The following KCNB2 variants were observed in gnomAD, a reference collection of about 807,000 sequenced individuals.
KCNB2 encodes potassium voltage-gated channel subfamily B member 2.
Under a neutral mutation model 61.5 loss-of-function variants are expected in KCNB2, and 15 were observed. The observed-to-expected ratio is 0.24, with a 90% CI of 0.16 to 0.38. KCNB2 has a LOEUF of 0.38. Ranked by LOEUF, KCNB2 falls within the 10% of genes least tolerant of loss-of-function variation. The pLI is 1.00. For missense variants in KCNB2, 828 were observed against 1,125.2 expected, an observed-to-expected ratio of 0.74 and a Z score of 3.78; for synonymous variants, 457 against 446.0, an observed-to-expected ratio of 1.02 and a Z score of -0.31.
At chr8:72,713,347 C>T (rs2439339) in intron 2 of KCNB2, among the ~76,000 whole-genome samples, 27,991 of 152,160 alleles carry the variant, frequency 0.18, 3,455 homozygotes, top group African/African-American at 0.35. Flanking sequence ...GATCTGAGAA[C>T]GGGCAGACTG....
In KCNB2 at chr8:72,794,980, G is replaced by C. The variant is rs73686521; in HGVS notation, c.580-140955G>C. Among the ~76,000 whole-genome samples, 733 of 152,326 alleles carry C rather than the reference G, an allele frequency of 4.8e-3. 6 individuals carry two copies. Among genetic ancestry groups the C allele is most frequent in the African/African-American group, 0.017 (698 of 41,572 alleles). On this transcript the variant is annotated intron_variant, in intron 2 of 2. Transcript: ENST00000523207. ...TCCATTTTAGGGTTTAGGAAATATGGTCACCATAGGAAATACTGGTAATGA... is the reference window on the plus strand; with the variant it reads ...TCCATTTTAGGGTTTAGGAAATATGCTCACCATAGGAAATACTGGTAATGA...
chr8:72,717,726 G>A (rs369916097), intron 2 of KCNB2, among the ~76,000 whole-genome samples: 1,928 of 152,122 alleles, frequency 0.013, 30 homozygotes, highest in Middle Eastern at 0.044. Context: ...GAAAACCTAG[G>A]CAATACCATT....
chr8:72,900,217 A>G (rs1346404255), intron 2 of KCNB2, among the ~76,000 whole-genome samples: 1 of 152,180 alleles, frequency 6.6e-6, no homozygotes, highest in Non-Finnish European at 1.5e-5. Context: ...TCTGACTTTG[A>G]CAAAGCTGAC....
chr8:72,793,884 T>C (rs962393743), intron 2 of KCNB2, among the ~76,000 whole-genome samples: 1 of 152,214 alleles, frequency 6.6e-6, no homozygotes, highest in African/African-American at 2.4e-5. Context: ...CATTTATTCA[T>C]CAGAGAGTTT....
chr8:72,717,734 A>G (rs1271528635), intron 2 of KCNB2, among the ~76,000 whole-genome samples: 1 of 152,156 alleles, frequency 6.6e-6, no homozygotes. Flanking sequence ...AGGCAATACC[A>G]TTCAGGACAT....
At chr8:72,868,229 C>G (rs1312958166) in intron 2 of KCNB2, among the ~76,000 whole-genome samples, 1 of 151,492 alleles carries the variant, frequency 6.6e-6, no homozygotes, top group African/African-American at 2.4e-5. Flanking sequence ...AGCCACTGCA[C>G]CCAGCCTATT....
chr8:72,577,754 C>T (rs1806821013), intron 2 of KCNB2, among the ~76,000 whole-genome samples: 1 of 152,130 alleles, frequency 6.6e-6, no homozygotes, highest in Admixed American at 6.5e-5. Context: ...GCCAAGTCAA[C>T]CCGGTGCAGC....
chr8:72,810,094 C>T (rs904075612), intron 2 of KCNB2, among the ~76,000 whole-genome samples: 2 of 152,114 alleles, frequency 1.3e-5, no homozygotes, highest in Middle Eastern at 3.2e-3. Context: ...GTGGTGGGTG[C>T]ATCACTTGTA....
chr8:72,811,171 T>TTTA (rs1809301018), intron 2 of KCNB2, among the ~76,000 whole-genome samples: 1 of 151,484 alleles, frequency 6.6e-6, no homozygotes, highest in African/African-American at 2.4e-5. Flanking sequence ...TTTTTTTTTT[T>TTTA]AACCTTCTTG....
At chr8:72,735,183 A>AG (rs1807820731) in intron 2 of KCNB2, among the ~76,000 whole-genome samples, 4 of 152,286 alleles carry the variant, frequency 2.6e-5, no homozygotes, top group Admixed American at 1.3e-4. Context: ...ACAATTCTAA[A>AG]TGGCATCCAG....
intron 2 of KCNB2, among the ~76,000 whole-genome samples, chr8:72,743,689 CA>C (rs1808007282): frequency 6.6e-6 from 1 of 152,072 alleles, no homozygotes; most frequent in Non-Finnish European, 1.5e-5. Context: ...GGCAACCAAC[CA>C]ATGGTATTTT....
At chr8:72,712,359 G>A (rs1484237387) in intron 2 of KCNB2, among the ~76,000 whole-genome samples, 5 of 152,170 alleles carry the variant, frequency 3.3e-5, no homozygotes, top group Non-Finnish European at 7.3e-5. Flanking sequence ...TCACTGGAAG[G>A]TTTCTTACCC....
intron 1 of KCNB2, among the ~76,000 whole-genome samples, chr8:72,552,381 G>A (rs547782765): frequency 1.1e-3 from 164 of 152,240 alleles, no homozygotes; most frequent in African/African-American, 3.6e-3. Context: ...CAATACAGTA[G>A]TCACTAGCCA....
intron 2 of KCNB2, among the ~76,000 whole-genome samples, chr8:72,648,603 G>T (rs1426039185): frequency 2.0e-5 from 3 of 148,194 alleles, no homozygotes; most frequent in African/African-American, 7.5e-5. Flanking sequence ...TAAATTAATA[G>T]TTTTGAGTAA....
At chr8:72,541,938 A>G (rs1358640828) in intron 1 of KCNB2, among the ~76,000 whole-genome samples, 1 of 152,104 alleles carries the variant, frequency 6.6e-6, no homozygotes, top group East Asian at 1.9e-4. Context: ...GTTCTGAAAT[A>G]TAATTTTTTA....
chr8:72,566,730 G>A (rs935026610), intron 1 of KCNB2, among the ~76,000 whole-genome samples: 1 of 150,642 alleles, frequency 6.6e-6, no homozygotes, highest in Admixed American at 6.6e-5. Flanking sequence ...AAAAAAGAAA[G>A]AAAGGAAAAG....
intron 2 of KCNB2, among the ~76,000 whole-genome samples, chr8:72,920,360 T>G (rs1029390575): frequency 8.6e-5 from 13 of 150,750 alleles, no homozygotes; most frequent in South Asian, 4.2e-4. Flanking sequence ...GGCTCGTGCC[T>G]ATAATCCCAG....
At chr8:72,545,019 G>A (rs1806238612) in intron 1 of KCNB2, among the ~76,000 whole-genome samples, 1 of 152,106 alleles carries the variant, frequency 6.6e-6, no homozygotes, top group African/African-American at 2.4e-5. Context: ...TCATATTTCT[G>A]TATCATGGAA....
intron 2 of KCNB2, among the ~76,000 whole-genome samples, chr8:72,924,417 A>G (rs1027825175): frequency 2.6e-5 from 4 of 152,106 alleles, no homozygotes; most frequent in Non-Finnish European, 5.9e-5. Flanking sequence ...TCAAATTTAA[A>G]TGCACATATG....
Sources: gnomAD v4.1 joint callset for allele counts (sites outside exome capture counted in the v4.1 genomes callset) on GRCh38, gnomAD v4.1.1 for gene constraint, MANE v1.5 for transcripts, NCBI Gene and HGNC (gene_info 2026-07-23, HGNC 2026-07-21) for gene names.